ANO6: variants seen among roughly 807,000 people sequenced by gnomAD.
The protein encoded by ANO6 is anoctamin 6.
A neutral mutation model predicts 117.5 loss-of-function variants in ANO6; 106 were observed. That is an observed-to-expected ratio of 0.90 (90% CI 0.77 to 1.06). The LOEUF (loss-of-function observed/expected upper bound fraction) is 1.06, where lower values mean the gene tolerates loss of function less well. ANO6 is among the 50% of genes least tolerant of loss of function. The probability of loss-of-function intolerance (pLI) is 0.00; values close to 1 mark genes in which losing one functional copy is unlikely to be tolerated. For missense variants in ANO6, 955 were observed against 1,121.1 expected (o/e 0.85, Z 2.12); for synonymous variants, 367 against 385.1 (o/e 0.95, Z 0.55).
intron 16 of ANO6, among the ~76,000 whole-genome samples, chr12:45,414,350 A>T (rs1412908835): frequency 6.6e-6 from 1 of 152,066 alleles, no homozygotes; most frequent in Non-Finnish European, 1.5e-5. Flanking sequence ...TCACTTGAAT[A>T]TCAGAACAAA....
chr12:45,315,737 T>A (rs554748420), intron 2 of ANO6, among the ~76,000 whole-genome samples: 3 of 152,186 alleles, frequency 2.0e-5, no homozygotes, highest in Non-Finnish European at 2.9e-5. Flanking sequence ...CCTCCTAATC[T>A]TTTTTCTCTT....
intron 16 of ANO6, among the ~76,000 whole-genome samples, chr12:45,411,209 T>C (rs897561241): frequency 6.6e-6 from 1 of 152,236 alleles, no homozygotes; most frequent in Non-Finnish European, 1.5e-5. Context: ...GAAAGTTATA[T>C]GGTCATGTGC....
intron 1 of ANO6, chr12:45,292,802 T>C: frequency 6.7e-7 from 1 of 1,495,524 alleles, no homozygotes; most frequent in Non-Finnish European, 8.9e-7. Context: ...TTCTCAGAAA[T>C]ATTGCTGTTT....
At chr12:45,236,551 C>T (rs921078470) in intron 1 of ANO6, among the ~76,000 whole-genome samples, 22 of 152,204 alleles carry the variant, frequency 1.4e-4, no homozygotes, top group African/African-American at 4.8e-4. Context: ...CTGCAAAGGA[C>T]ATGAGCTCAT....
chr12:45,438,265 G>GTA (rs1203975838), intron 19 of ANO6, among the ~76,000 whole-genome samples: 2 of 151,934 alleles, frequency 1.3e-5, no homozygotes. Context: ...GTGTGTGTGT[G>GTA]TGTGTGTGTG....
At chr12:45,297,908 C>T (rs940804056) in intron 1 of ANO6, among the ~76,000 whole-genome samples, 2 of 152,120 alleles carry the variant, frequency 1.3e-5, no homozygotes, top group Non-Finnish European at 2.9e-5. Flanking sequence ...AGAAATGACA[C>T]TAAAATTAAC....
At chr12:45,241,347 A>G (rs774112144) in intron 1 of ANO6, among the ~76,000 whole-genome samples, 12 of 152,134 alleles carry the variant, frequency 7.9e-5, no homozygotes, top group Non-Finnish European at 1.3e-4. Flanking sequence ...CAAATCAGCT[A>G]TTGAAGCTTC....
intron 1 of ANO6, among the ~76,000 whole-genome samples, chr12:45,278,913 C>T (rs760469902): frequency 6.6e-6 from 1 of 152,178 alleles, no homozygotes; most frequent in Non-Finnish European, 1.5e-5. Context: ...CGTCCCTCCA[C>T]CCACCCCTCC....
chr12:45,424,369 C>T (rs1291168791), intron 19 of ANO6, among the ~76,000 whole-genome samples: 1 of 119,310 alleles, frequency 8.4e-6, no homozygotes, highest in Admixed American at 1.1e-4. Context: ...GACAGAGTCT[C>T]ACTCTGTTGC....
intron 1 of ANO6, among the ~76,000 whole-genome samples, chr12:45,288,599 C>T (rs572057150): frequency 2.0e-4 from 31 of 152,250 alleles, no homozygotes; most frequent in African/African-American, 6.3e-4. Flanking sequence ...CTGAATAATA[C>T]TCCATTATGT....
In ANO6 at chr12:45,318,915, C is replaced by T. The variant is rs569843701; in HGVS notation, c.151-12380C>T. Reference sequence around the variant, plus strand: ...GGGAGTTCACTCATGATTTGGCTCTCTGTCTGTTATTGGTGTATAAGAATG... The same window carrying T: ...GGGAGTTCACTCATGATTTGGCTCTTTGTCTGTTATTGGTGTATAAGAATG... On this transcript the variant is annotated intron_variant, in intron 2 of 19. Coordinates refer to ENST00000320560, the MANE Select transcript of ANO6 (RefSeq NM_001025356.3). 2.0e-5 allele frequency among the ~76,000 whole-genome samples: 3 copies of T among 151,828 alleles called. No homozygotes were observed. In the East Asian group the frequency reaches 5.8e-4, roughly 29 times the overall value.
chr12:45,357,930 T>C (rs1941455969), intron 8 of ANO6, among the ~76,000 whole-genome samples: 1 of 152,254 alleles, frequency 6.6e-6, no homozygotes, highest in Non-Finnish European at 1.5e-5. Context: ...AAATAGTTCA[T>C]ACAATGTTTA....
At chr12:45,363,355 G>T (rs1308403291) in intron 8 of ANO6, among the ~76,000 whole-genome samples, 1 of 152,094 alleles carries the variant, frequency 6.6e-6, no homozygotes, top group African/African-American at 2.4e-5. Flanking sequence ...ACGAGGTCAG[G>T]AGTTTGAGAC....
chr12:45,357,381 T>A lies in ANO6; in HGVS notation c.955T>A (p.Cys319Ser). 6.2e-7 allele frequency: 1 copy of A among 1,613,996 alleles called. No individual in the cohort carries two copies. Among genetic ancestry groups the A allele is most frequent in the Non-Finnish European group, 8.5e-7 (1 of 1,179,994 alleles). The change falls in exon 8 of 20, where the codon TGC becomes AGC. Residue 319 changes from cysteine to serine, a missense_variant. By Grantham distance (112) the Cys-to-Ser change is moderately radical. Transcript: ENST00000320560. ...LLLAAVVGVA[C>S]FLYGYLNQDN... Reference sequence around the variant, plus strand: ...CCTGGCCGCAGTTGTAGGAGTGGCTTGCTTTCTCTATGGATATCTTAATCA... The same window carrying A: ...CCTGGCCGCAGTTGTAGGAGTGGCTAGCTTTCTCTATGGATATCTTAATCA...
At chr12:45,350,561 G>A in intron 6 of ANO6, 98 bp from the exon 7 acceptor site, 1 of 959,694 alleles carries the variant, frequency 1.0e-6, no homozygotes, top group Non-Finnish European at 1.6e-6. Flanking sequence ...AGGACCCCTT[G>A]TTCACAATTG....
intron 11 of ANO6, among the ~76,000 whole-genome samples, chr12:45,390,001 T>C (rs1018925591): frequency 5.3e-5 from 8 of 152,186 alleles, no homozygotes; most frequent in African/African-American, 1.4e-4. Context: ...AGTTAATATA[T>C]AAAGCCCAAC....
intron 11 of ANO6, 119 bp downstream of exon 11, chr12:45,388,422 C>A: frequency 7.9e-7 from 1 of 1,268,476 alleles, no homozygotes; most frequent in Non-Finnish European, 1.1e-6. Flanking sequence ...AGTTCCATCA[C>A]TACATACTCT....
intron 2 of ANO6, among the ~76,000 whole-genome samples, chr12:45,322,268 A>G (rs568503491): frequency 1.0e-4 from 14 of 139,718 alleles, no homozygotes; most frequent in African/African-American, 3.7e-4. Context: ...ACTGAGCTGG[A>G]CCTTAAAGGA....
In ANO6 at chr12:45,429,252, GTGATAGCTGAGCGGA is replaced by G; in HGVS notation, c.2681_2695del (p.Ala894_Ile898del). Reference sequence around the variant, plus strand: ...CAAAGATATGACGAAAAATATGGGGGTGATAGCTGAGCGGATGATAGAAGCAGTAGATAACAATTT... The same window carrying G: ...CAAAGATATGACGAAAAATATGGGGGTGATAGAAGCAGTAGATAACAATTT... On this transcript the variant is annotated inframe_deletion, in exon 20 of 20. Transcript: ENST00000320560. The G allele has an allele frequency of 1.2e-6, 2 of 1,613,900 alleles. No homozygotes were observed. The highest frequency in any genetic ancestry group is 1.7e-6 in the Non-Finnish European group (2 of 1,179,922).
Sources: gnomAD v4.1 joint callset for allele counts (sites outside exome capture counted in the v4.1 genomes callset) on GRCh38, gnomAD v4.1.1 for gene constraint, MANE v1.5 for transcripts, NCBI Gene and HGNC (gene_info 2026-07-23, HGNC 2026-07-21) for gene names.